RPS6KA2: variants seen among roughly 807,000 people sequenced by gnomAD.
RPS6KA2 encodes the protein ribosomal protein S6 kinase A2.
A neutral mutation model predicts 91.8 loss-of-function variants in RPS6KA2; 42 were observed. The ratio of observed to expected loss-of-function variants is 0.46; its 90% CI spans 0.36 to 0.59. RPS6KA2 has a LOEUF of 0.59. Ranked by LOEUF, RPS6KA2 falls within the 20% of genes least tolerant of loss-of-function variation. The pLI is 0.00. For synonymous variants in RPS6KA2, 414 were observed against 393.6 expected, an observed-to-expected ratio of 1.05 and a Z score of -0.61; for missense variants, 798 against 978.5, an observed-to-expected ratio of 0.82 and a Z score of 2.46.
At chr6:166,475,130 C>T (rs1305851290) in intron 10 of RPS6KA2, among the ~76,000 whole-genome samples, 1 of 138,798 alleles carries the variant, frequency 7.2e-6, no homozygotes, top group Admixed American at 6.9e-5. Context: ...TGTGACCCTC[C>T]AAGGCCTCTA....
At chr6:166,479,916 T>C (rs1781128887) in intron 10 of RPS6KA2, among the ~76,000 whole-genome samples, 1 of 152,172 alleles carries the variant, frequency 6.6e-6, no homozygotes, top group Non-Finnish European at 1.5e-5. Flanking sequence ...AACTTACACA[T>C]CCTTCCATGT....
intron 1 of RPS6KA2, among the ~76,000 whole-genome samples, chr6:166,619,570 T>C (rs368075712): frequency 7.9e-5 from 12 of 152,340 alleles, no homozygotes; most frequent in African/African-American, 2.4e-4. Context: ...CTGACGGCCA[T>C]GTGGCCTGAA....
chr6:166,460,592 T>A (rs9355582), intron 11 of RPS6KA2: 2 of 152,034 alleles, frequency 1.3e-5, no homozygotes, highest in East Asian at 2.0e-4. Flanking sequence ...CAAATCACCC[T>A]GACGACAGAA....
chr6:166,566,718 A>T (rs190354273), intron 1 of RPS6KA2, among the ~76,000 whole-genome samples: 11 of 152,298 alleles, frequency 7.2e-5, no homozygotes. Context: ...CCTGGCCCTG[A>T]GGTCTCTCAG....
chr6:166,544,353 G>A (rs1783756161), intron 1 of RPS6KA2, among the ~76,000 whole-genome samples: 1 of 152,152 alleles, frequency 6.6e-6, no homozygotes, highest in Non-Finnish European at 1.5e-5. Flanking sequence ...GTAGAGGGGA[G>A]TCTGTGCAGG....
intron 2 of RPS6KA2, among the ~76,000 whole-genome samples, chr6:166,638,774 G>A (rs1241032465): frequency 6.6e-6 from 1 of 152,194 alleles, no homozygotes; most frequent in East Asian, 1.9e-4. Flanking sequence ...GGGGCTACCG[G>A]CATCTCGTGG....
chr6:166,555,209 C>T (rs948460450), intron 1 of RPS6KA2, among the ~76,000 whole-genome samples: 26 of 152,280 alleles, frequency 1.7e-4, no homozygotes, highest in Admixed American at 3.3e-4. Context: ...AAGAATTGCA[C>T]GCTGGCTTCT....
chr6:166,648,110 GCACA>G lies in RPS6KA2; in HGVS notation c.124-109330_124-109327del, dbSNP rs769913592. ...TACACACACGCTCATACACACACGT[GCACA>G]CACACGCTCATACACATACATGCAC... On this transcript the variant is annotated intron_variant, in intron 2 of 21. Coordinates refer to the RPS6KA2 transcript ENST00000503859. This position sits in a 1 kb window ranked among gnomAD's most constrained non-coding sequence, Gnocchi z 4.8. Among the ~76,000 whole-genome samples, 1 of 109,716 alleles carries G rather than the reference GCACA, an allele frequency of 9.1e-6. No individual in the cohort carries two copies. The highest frequency in any genetic ancestry group is 1.9e-5 in the Non-Finnish European group (1 of 52,648). The allele number at this position is 109,716 out of a possible 152,430, so 72.0% of individuals were successfully genotyped here.
At chr6:166,778,622 C>T (rs11966385) in intron 2 of RPS6KA2, among the ~76,000 whole-genome samples, 1,693 of 152,190 alleles carry the variant, frequency 0.011, 26 homozygotes, top group African/African-American at 0.035. Flanking sequence ...AAAAATTAGA[C>T]GGTTGTGGTG....
intron 2 of RPS6KA2, among the ~76,000 whole-genome samples, chr6:166,857,489 G>A (rs932802359): frequency 1.3e-5 from 2 of 152,068 alleles, no homozygotes; most frequent in East Asian, 1.9e-4. Flanking sequence ...TACACTTATC[G>A]TTACCAAAAT....
At chr6:166,467,031 C>A (rs1452944062) in intron 11 of RPS6KA2, among the ~76,000 whole-genome samples, 2 of 152,096 alleles carry the variant, frequency 1.3e-5, no homozygotes, top group Non-Finnish European at 2.9e-5. Context: ...CATTCATTCA[C>A]TTCCTCACTC....
chr6:166,642,589 T>C (rs1409523835), intron 2 of RPS6KA2, among the ~76,000 whole-genome samples: 1 of 152,204 alleles, frequency 6.6e-6, no homozygotes, highest in Non-Finnish European at 1.5e-5. Flanking sequence ...AAAAATTCAA[T>C]AGATTGGTTA....
chr6:166,439,040 G>A (rs111841756), intron 14 of RPS6KA2, among the ~76,000 whole-genome samples: 21 of 152,196 alleles, frequency 1.4e-4, no homozygotes, highest in South Asian at 4.1e-4. Flanking sequence ...TATAAACCCC[G>A]ATTTTAAAAA....
At chr6:166,862,547 G>C in exon 1 of RPS6KA2, 1 of 294,186 alleles carries the variant, frequency 3.4e-6, no homozygotes, top group Non-Finnish European at 6.3e-6. Context: ...TTGCAGCTTC[G>C]AATTGAATTT....
At chr6:166,803,391 G>A (rs1291124584) in intron 2 of RPS6KA2, among the ~76,000 whole-genome samples, 1 of 152,202 alleles carries the variant, frequency 6.6e-6, no homozygotes, top group African/African-American at 2.4e-5. Context: ...TATTTCAGAA[G>A]TAGTTTTGTT....
At chr6:166,645,895 TG>T (rs1787587976) in intron 2 of RPS6KA2, among the ~76,000 whole-genome samples, 1 of 152,222 alleles carries the variant, frequency 6.6e-6, no homozygotes, top group Admixed American at 6.5e-5. Context: ...TGGAGAAACT[TG>T]TCAGAAGGTG....
chr6:166,807,404 C>A lies in RPS6KA2; in HGVS notation c.123+50796G>T, dbSNP rs568393437. 3.9e-5 allele frequency among the ~76,000 whole-genome samples: 6 copies of A among 152,266 alleles called. No individual in the cohort carries two copies. The South Asian group carries it at 1.2e-3, about 32-fold the overall frequency. ...CACATGTGTTCTTTTTTCCACTTCCCTAGTGACCTACCTCTGGTCCAAGCA... is the reference window on the plus strand; with the variant it reads ...CACATGTGTTCTTTTTTCCACTTCCATAGTGACCTACCTCTGGTCCAAGCA... On this transcript the variant is annotated intron_variant, in intron 2 of 21. Transcript: ENST00000503859.
chr6:166,531,324 G>A lies in RPS6KA2; in HGVS notation c.217-11C>T, dbSNP rs774838687. 18 of 1,608,824 alleles carry A rather than the reference G, an allele frequency of 1.1e-5. 1 individual carries two copies. In the South Asian group the frequency reaches 2.0e-4, roughly 18 times the overall value. On this transcript the variant is annotated splice_polypyrimidine_tract_variant and intron_variant, in intron 2 of 20. Coordinates refer to ENST00000265678, the MANE Select transcript of RPS6KA2 (RefSeq NM_021135.6). Reference sequence around the variant, plus strand: ...CCTCACCAGGAACACCTTAGCAAGAGAAAACGGAACATCAGAAACCCGTAA... The same window carrying A: ...CCTCACCAGGAACACCTTAGCAAGAAAAAACGGAACATCAGAAACCCGTAA...
At chr6:166,519,482 T>C (rs1340018763) in intron 3 of RPS6KA2, among the ~76,000 whole-genome samples, 1 of 152,152 alleles carries the variant, frequency 6.6e-6, no homozygotes, top group Non-Finnish European at 1.5e-5. Context: ...GCGTTTCGGG[T>C]TTGGATGATG....
Sources: gnomAD v4.1 joint callset for allele counts (sites outside exome capture counted in the v4.1 genomes callset) on GRCh38, gnomAD v4.1.1 for gene constraint, Gnocchi (gnomAD v3.1) non-coding constraint, MANE v1.5 for transcripts, NCBI Gene and HGNC (gene_info 2026-07-23, HGNC 2026-07-21) for gene names.